NEDD4L: variants seen among roughly 807,000 people sequenced by gnomAD.
NEDD4L encodes NEDD4 like E3 ubiquitin protein ligase.
A neutral mutation model predicts 148.9 loss-of-function variants in NEDD4L; 54 were observed. The ratio of observed to expected loss-of-function variants is 0.36; its 90% CI spans 0.29 to 0.45. The LOEUF is 0.45. Among genes scored for constraint, NEDD4L ranks in the 20% least tolerant of loss-of-function variants. The pLI is 1.00. For missense variants in NEDD4L, 856 were observed against 1,233.8 expected, an observed-to-expected ratio of 0.69 and a Z score of 4.59; for synonymous variants, 433 against 440.7, an observed-to-expected ratio of 0.98 and a Z score of 0.22.
intron 5 of NEDD4L, chr18:58,255,964 G>A: frequency 8.1e-7 from 1 of 1,231,124 alleles, no homozygotes; most frequent in East Asian, 3.2e-5. Flanking sequence ...ACGGGTGCGG[G>A]CCGCCCGAGG....
intron 5 of NEDD4L, among the ~76,000 whole-genome samples, chr18:58,283,250 A>G (rs2148999011): frequency 6.6e-6 from 1 of 152,044 alleles, no homozygotes; most frequent in Admixed American, 6.5e-5. Flanking sequence ...TAATTTCTGT[A>G]TTTTTAGTAG....
At chr18:58,305,373 CT>C (rs2056943578) in intron 5 of NEDD4L, among the ~76,000 whole-genome samples, 1 of 152,216 alleles carries the variant, frequency 6.6e-6, no homozygotes, top group African/African-American at 2.4e-5. Context: ...ACACCTACAA[CT>C]GAGCCCCTCC....
At chr18:58,311,322 A>T (rs560969627) in intron 5 of NEDD4L, among the ~76,000 whole-genome samples, 5 of 152,342 alleles carry the variant, frequency 3.3e-5, no homozygotes, top group African/African-American at 1.2e-4. Flanking sequence ...TCACAACTTA[A>T]AAAATATTAC....
intron 1 of NEDD4L, among the ~76,000 whole-genome samples, chr18:58,053,598 C>T (rs1269451768): frequency 4.6e-5 from 7 of 152,182 alleles, no homozygotes; most frequent in Non-Finnish European, 7.3e-5. Flanking sequence ...CATGAGCCAC[C>T]GTGCCCGGCC....
At chr18:58,055,191 C>T (rs1294554399) in intron 1 of NEDD4L, among the ~76,000 whole-genome samples, 1 of 152,144 alleles carries the variant, frequency 6.6e-6, no homozygotes, top group Non-Finnish European at 1.5e-5. Flanking sequence ...CACAGTGGCT[C>T]ACGCCTGTAA....
At chr18:58,338,907 C>G (rs1298660029) in intron 13 of NEDD4L, among the ~76,000 whole-genome samples, 2 of 152,148 alleles carry the variant, frequency 1.3e-5, no homozygotes, top group East Asian at 1.9e-4. Flanking sequence ...CAGAGCAATA[C>G]TCTGTCTCAA....
intron 1 of NEDD4L, among the ~76,000 whole-genome samples, chr18:58,156,505 G>A (rs2035517211): frequency 1.3e-5 from 2 of 152,158 alleles, no homozygotes; most frequent in South Asian, 4.1e-4. Flanking sequence ...CTTAGATTGA[G>A]TTTTTGGCTC....
chr18:58,166,910 C>T lies in NEDD4L; in HGVS notation c.122+1049C>T, dbSNP rs187903159. Among the ~76,000 whole-genome samples, 1,094 of 152,256 alleles carry T rather than the reference C, an allele frequency of 7.2e-3. 12 individuals are homozygous for T. The highest frequency in any genetic ancestry group is 0.017 in the Middle Eastern group (5 of 294). ...TTCTAGCTAGCTAGCTGTTCCATCC[C>T]GCACACCCCCACAGAAGCCTTTTGC... On this transcript the variant is annotated intron_variant, in intron 2 of 30. Transcript: ENST00000400345.
At chr18:58,295,861 G>A (rs530874838) in intron 5 of NEDD4L, among the ~76,000 whole-genome samples, 1 of 152,110 alleles carries the variant, frequency 6.6e-6, no homozygotes, top group Non-Finnish European at 1.5e-5. Flanking sequence ...TCTTCAGAAT[G>A]TACAGATTTA....
At chr18:58,357,143 T>G in intron 18 of NEDD4L, 51 bp from the exon 19 acceptor site, 1 of 1,493,816 alleles carries the variant, frequency 6.7e-7, no homozygotes, top group South Asian at 1.2e-5. Flanking sequence ...TTACATAGAA[T>G]AGATTTGAAC....
chr18:58,062,862 C>G (rs1382404847), intron 1 of NEDD4L, among the ~76,000 whole-genome samples: 1 of 151,946 alleles, frequency 6.6e-6, no homozygotes, highest in African/African-American at 2.4e-5. Flanking sequence ...GTGACAGGCG[C>G]CTGTAGTCCC....
intron 2 of NEDD4L, among the ~76,000 whole-genome samples, chr18:58,169,430 C>T (rs886932045): frequency 6.6e-6 from 1 of 151,956 alleles, no homozygotes; most frequent in African/African-American, 2.4e-5. Flanking sequence ...TTGAATGGGA[C>T]GTCCGGACAT....
Position 58,256,836 on chromosome 18 carries a change from G to A in NEDD4L, c.297+4782G>A. ...TCAACTTCGATGCTTACTCTGCGGC[G>A]TAACCAAAATAAAACCTCACCCTCT... On this transcript the variant is annotated intron_variant, in intron 5 of 30. Transcript: ENST00000400345. This position sits in a 1 kb window ranked among gnomAD's most constrained non-coding sequence, Gnocchi z 5.2. 8 of 1,213,034 alleles carry A rather than the reference G, an allele frequency of 6.6e-6. No homozygotes were observed. The highest frequency in any genetic ancestry group is 6.2e-6 in the Non-Finnish European group (6 of 971,126). The allele number at this position is 1,213,034 out of a possible 1,614,324, so 75.1% of individuals were successfully genotyped here. A position where few individuals can be genotyped will look rare whatever the true frequency, so the allele number is the denominator to read the frequency against.
rs141302818 is a variant in NEDD4L at position 58,052,544 on chromosome 18, T to C, written c.48+7836T>C. 6.8e-3 allele frequency among the ~76,000 whole-genome samples: 1,041 copies of C among 152,256 alleles called. 6 individuals carry two copies. The highest frequency in any genetic ancestry group is 9.8e-3 in the Non-Finnish European group (664 of 68,002). ...ATTCCCTTGCTGTCATCAAATTCAG[T>C]GTTTGGTGACTTCTTGGCAGGCAGA... is the stretch of plus-strand genomic sequence containing the variant. On this transcript the variant is annotated intron_variant, in intron 1 of 30. Transcript: ENST00000400345.
intron 1 of NEDD4L, among the ~76,000 whole-genome samples, chr18:58,142,530 C>T (rs577567497): frequency 6.6e-6 from 1 of 152,298 alleles, no homozygotes; most frequent in South Asian, 2.1e-4. Flanking sequence ...TAGGGTCAAA[C>T]ATGTTCCAGA....
chr18:58,110,870 G>A (rs1201152413), intron 1 of NEDD4L, among the ~76,000 whole-genome samples: 2 of 152,192 alleles, frequency 1.3e-5, no homozygotes, highest in African/African-American at 2.4e-5. Flanking sequence ...AGGACCAAAA[G>A]CATTTCTGCT....
At chr18:58,195,494 G>T in intron 2 of NEDD4L, 2 of 1,344,608 alleles carry the variant, frequency 1.5e-6, no homozygotes, top group East Asian at 4.6e-5. Context: ...GAGGGTGCCC[G>T]GGTGGGTGGC....
chr18:58,051,609 T>C (rs1264732962), intron 1 of NEDD4L, among the ~76,000 whole-genome samples: 6 of 152,226 alleles, frequency 3.9e-5, no homozygotes, highest in Admixed American at 6.5e-5. Context: ...AGATCTGCAT[T>C]AAACAGATTT....
intron 2 of NEDD4L, among the ~76,000 whole-genome samples, chr18:58,180,225 G>C (rs944685196): frequency 1.3e-5 from 2 of 152,160 alleles, no homozygotes; most frequent in African/African-American, 4.8e-5. Context: ...TGCCTTGCCG[G>C]TGCCCAGAAC....
Sources: allele counts gnomAD v4.1 joint callset (sites outside exome capture counted in the v4.1 genomes callset), GRCh38; gene constraint gnomAD v4.1.1; non-coding constraint Gnocchi (gnomAD v3.1); transcripts MANE v1.5; gene names NCBI Gene and HGNC (gene_info 2026-07-23, HGNC 2026-07-21).